Variants in MINK1 observed in about 807,000 individuals in gnomAD.
MINK1 encodes the protein misshapen like kinase 1.
Under a neutral mutation model 178.4 loss-of-function variants are expected in MINK1, and 46 were observed. The ratio of observed to expected loss-of-function variants is 0.26; its 90% CI spans 0.20 to 0.33. The LOEUF is 0.33. Among genes scored for constraint, MINK1 ranks in the 10% least tolerant of loss-of-function variants. MINK1 has a pLI of 1.00. For missense variants in MINK1, 1,366 were observed against 1,814.9 expected (o/e 0.75, Z 4.49); for synonymous variants, 797 against 709.7 (o/e 1.12, Z -1.96).
chr17:4,858,499 C>T (rs1428011346), intron 1 of MINK1, among the ~76,000 whole-genome samples: 10 of 143,890 alleles, frequency 6.9e-5, no homozygotes, highest in East Asian at 2.0e-4. Context: ...TTTTTTGAGA[C>T]GAGGTCTTGC....
chr17:4,841,164 A>G (rs550319527), intron 1 of MINK1, among the ~76,000 whole-genome samples: 14 of 152,238 alleles, frequency 9.2e-5, no homozygotes, highest in African/African-American at 2.9e-4. Context: ...GTGACTCAGT[A>G]TGTACACGTA....
chr17:4,837,026 A>AAT (rs1392145038), intron 1 of MINK1, among the ~76,000 whole-genome samples: 2 of 152,066 alleles, frequency 1.3e-5, no homozygotes, highest in African/African-American at 4.8e-5. Flanking sequence ...CTAAAAAAAA[A>AAT]ATACAAAAAA....
intron 1 of MINK1, among the ~76,000 whole-genome samples, chr17:4,843,057 G>C (rs1910491558): frequency 6.6e-6 from 1 of 152,134 alleles, no homozygotes; most frequent in African/African-American, 2.4e-5. Context: ...CCTGGCCTTG[G>C]GTAGCTAAGG....
intron 20 of MINK1, 134 bp downstream of exon 20, chr17:4,893,201 C>G: frequency 6.4e-7 from 1 of 1,565,246 alleles, no homozygotes; most frequent in Non-Finnish European, 8.7e-7. Flanking sequence ...TGGTGCTTCT[C>G]ATGGTGCTAA....
Position 4,897,495 on chromosome 17 carries a change from G to A in MINK1, c.*208G>A. On this transcript the variant is annotated 3_prime_UTR_variant, in exon 32 of 32. Coordinates refer to ENST00000355280, the MANE Select transcript of MINK1 (RefSeq NM_153827.5). ...CCCAACATGTCCTCTTCCCAAAACT[G>A]TGCCTGTCCCCAGCTTCTGGGGAGG... 1.9e-6 allele frequency: 1 copy of A among 537,354 alleles called. No homozygotes were observed. The highest frequency in any genetic ancestry group is 3.3e-6 in the Non-Finnish European group (1 of 302,628). The allele number at this position is 537,354 out of a possible 1,614,324, so 33.3% of individuals were successfully genotyped here. A position where few individuals can be genotyped will look rare whatever the true frequency, so the allele number is the denominator to read the frequency against.
Position 4,890,752 on chromosome 17 carries a change from T to A in MINK1, c.1566+17T>A. The A allele has an allele frequency of 6.5e-7, 1 of 1,540,684 alleles. No individual in the cohort carries two copies. Among genetic ancestry groups the A allele is most frequent in the East Asian group, 2.5e-5 (1 of 40,672 alleles). On this transcript the variant is annotated intron_variant, in intron 14 of 31. Coordinates refer to ENST00000355280, the MANE Select transcript of MINK1 (RefSeq NM_153827.5). The stretch of plus-strand genomic sequence containing the variant: ...GCCCGAGAGGTACTCACTGCCTCCT[T>A]TGCCTCCTGAGACTGCAGTCCCACT...
rs780253689 is a variant in MINK1 at position 4,891,462 on chromosome 17, G to C, written c.1747G>C (p.Val583Leu). Reference protein sequence around the residue: ...EPQEGPHKSLVAHRVPLKPYA... With the variant: ...EPQEGPHKSLLAHRVPLKPYA... ...CCCTGGTCTCTCCCTGCAGAGCCTGGTGGCACACCGGGTCCCACTGAAGCC... is the reference window on the plus strand; with the variant it reads ...CCCTGGTCTCTCCCTGCAGAGCCTGCTGGCACACCGGGTCCCACTGAAGCC... Residue 583 changes from valine (V) to leucine (L), a missense_variant, in exon 16 of 32, where the codon GTG (valine) becomes CTG (leucine). Val to Leu is a conservative substitution (Grantham distance 32, BLOSUM62 1). Coordinates refer to ENST00000355280, the MANE Select transcript of MINK1 (RefSeq NM_153827.5). 3.8e-6 allele frequency: 6 copies of C among 1,575,066 alleles called. No homozygotes were observed. The highest frequency in any genetic ancestry group is 3.5e-5 in the South Asian group (3 of 86,094).
At chr17:4,859,507 C>A (rs1174958728) in intron 1 of MINK1, among the ~76,000 whole-genome samples, 1 of 152,090 alleles carries the variant, frequency 6.6e-6, no homozygotes, top group Non-Finnish European at 1.5e-5. Flanking sequence ...ATTTGACAGG[C>A]ACTTAAGAAA....
chr17:4,868,945 G>C, intron 1 of MINK1: 1 of 193,284 alleles, frequency 5.2e-6, no homozygotes, highest in Non-Finnish European at 1.1e-5. Flanking sequence ...ATTTTTTGAG[G>C]TGGAGTCTCG....
In MINK1 at chr17:4,891,118, G is replaced by T; in HGVS notation, c.1734G>T (p.Pro578=). 6.6e-7 allele frequency: 1 copy of T among 1,526,488 alleles called. No individual in the cohort carries two copies. The highest frequency in any genetic ancestry group is 2.2e-5 in the Admixed American group (1 of 46,150). 94.6% of individuals were successfully genotyped at this position (1,526,488 alleles called of 1,614,324 possible). Residue 578 remains proline (P), a synonymous_variant, in exon 15 of 32, where the codon CCG becomes CCT. Transcript: ENST00000355280. The part of the protein sequence containing the change: ...MQRPVEPQEG[P]HKSLVAHRVP... ...GGCCGGTGGAGCCCCAGGAGGGACC[G>T]CACAAGGTGAGTCTCTCCCCACCCC... is the stretch of plus-strand genomic sequence containing the variant.
At position 4,890,709 on chromosome 17, in the gene MINK1, G is replaced by A. The variant is rs56131206; in HGVS notation, c.1540G>A (p.Ala514Thr). 69 of 1,548,306 alleles carry A rather than the reference G, an allele frequency of 4.5e-5. No homozygotes were observed. The highest frequency in any genetic ancestry group is 1.1e-4 in the South Asian group (9 of 83,986). Residue 514 changes from alanine to threonine, a missense_variant, in exon 14 of 32, where the codon GCT becomes ACT. Coordinates refer to ENST00000355280, the MANE Select transcript of MINK1 (RefSeq NM_153827.5). ...LYHYGRGMNP[A>T]DKPAWAREVE... ...CCATTATGGTCGGGGCATGAATCCC[G>A]CTGACAAACCAGCCTGGGCCCGAGA...
chr17:4,895,235 C>T lies in MINK1; in HGVS notation c.3078C>T (p.Ala1026=). 6.2e-7 allele frequency: 1 copy of T among 1,614,074 alleles called. No homozygotes were observed. Among genetic ancestry groups the T allele is most frequent in the Non-Finnish European group, 8.5e-7 (1 of 1,179,986 alleles). ...TCAACTCCGAGATCCTCTGTGCAGC[C>T]CTTTGGGGTAAGCCAGGGCAGGGAC... ...KRFNSEILCA[A]LWGVNLLVGT... Residue 1026 remains alanine, a synonymous_variant, in exon 25 of 32, where the codon GCC becomes GCT. Coordinates refer to ENST00000355280, the MANE Select transcript of MINK1 (RefSeq NM_153827.5). The surrounding 1 kb of genome is among the most constrained non-coding windows in gnomAD (Gnocchi z 4.3).
At chr17:4,893,719 T>A (rs1597580245) in intron 21 of MINK1, 122 bp downstream of exon 21, 28 of 1,346,966 alleles carry the variant, frequency 2.1e-5, no homozygotes, top group Non-Finnish European at 2.7e-5. Flanking sequence ...CTCTAGAGAG[T>A]GGGGTGAGGG....
intron 1 of MINK1, among the ~76,000 whole-genome samples, chr17:4,872,055 G>T (rs1348720368): frequency 6.6e-6 from 1 of 152,140 alleles, no homozygotes; most frequent in African/African-American, 2.4e-5. Flanking sequence ...GACAGGCTGG[G>T]TACAGTGGCT....
intron 1 of MINK1, among the ~76,000 whole-genome samples, chr17:4,868,619 C>A (rs1181845811): frequency 6.6e-6 from 1 of 152,078 alleles, no homozygotes; most frequent in African/African-American, 2.4e-5. Context: ...GAATAATATT[C>A]GATTGTATAG....
In MINK1 at chr17:4,861,027, G is replaced by T. The variant is rs549546190; in HGVS notation, c.58-17290G>T. Among the ~76,000 whole-genome samples the T allele has an allele frequency of 5.9e-5, 9 of 152,296 alleles. No homozygotes were observed. In the South Asian group the frequency reaches 1.7e-3, roughly 28 times the overall value. On this transcript the variant is annotated intron_variant, in intron 1 of 31. Transcript: ENST00000355280. Reference sequence around the variant, plus strand: ...CTCTCCCTCCAGCCCTTGTTCCTCAGCTTCTTCTGAAAAGCTTTCCTTGAG... The same window carrying T: ...CTCTCCCTCCAGCCCTTGTTCCTCATCTTCTTCTGAAAAGCTTTCCTTGAG...
chr17:4,863,845 G>A (rs185532810), intron 1 of MINK1, among the ~76,000 whole-genome samples: 176 of 151,924 alleles, frequency 1.2e-3, no homozygotes, highest in African/African-American at 3.9e-3. Flanking sequence ...GCTGGAGTGC[G>A]GTGGCGCAAT....
Position 4,833,450 on chromosome 17 carries a change from C to A in MINK1, c.-134C>A, listed in dbSNP as rs912472004. The A allele has an allele frequency of 1.0e-5, 7 of 678,634 alleles. No individual in the cohort carries two copies. The highest frequency in any genetic ancestry group is 3.2e-5 in the Admixed American group (1 of 31,344). The allele number at this position is 678,634 out of a possible 1,614,324, so 42.0% of individuals were successfully genotyped here. On this transcript the variant is annotated 5_prime_UTR_variant, in exon 1 of 32. Transcript: ENST00000355280. The surrounding 1 kb of genome is among the most constrained non-coding windows in gnomAD (Gnocchi z 4.8). ...GTCGGTCCTCGCGCCGGCCCTCCCC[C>A]TCCCCGGTCTCCGGGGGAGGCGCGG...
Position 4,893,587 on chromosome 17 carries a change from C to A in MINK1, c.2554C>A (p.Pro852Thr). The change falls in exon 21 of 32, where the codon CCT (proline) becomes ACT (threonine). Residue 852 changes from proline to threonine, a missense_variant. By Grantham distance (38) the Pro-to-Thr change is conservative. Around this residue, in one of 14 missense-constraint regions of MINK1, gnomAD observed 709 missense variants for 692.3 expected, o/e 1.02. Coordinates refer to ENST00000355280, the MANE Select transcript of MINK1 (RefSeq NM_153827.5). ...GCCAGCAGAGGGGAGCAGAGATACCCCTGGGGGCCGGTACGGCATCGGGAG... is the reference window on the plus strand; with the variant it reads ...GCCAGCAGAGGGGAGCAGAGATACCACTGGGGGCCGGTACGGCATCGGGAG... The part of the protein sequence containing the change: ...GGPAEGSRDT[P>T]GGRSDGDTDS... 6.5e-7 allele frequency: 1 copy of A among 1,542,466 alleles called. No homozygotes were observed. Among genetic ancestry groups the A allele is most frequent in the Non-Finnish European group, 8.8e-7 (1 of 1,141,262 alleles).
Sources: gnomAD v4.1 joint callset for allele counts (sites outside exome capture counted in the v4.1 genomes callset) on GRCh38, gnomAD v4.1.1 for gene constraint, gnomAD v4.1.1 regional missense constraint, Gnocchi (gnomAD v3.1) non-coding constraint, MANE v1.5 for transcripts, NCBI Gene and HGNC (gene_info 2026-07-23, HGNC 2026-07-21) for gene names.